Variants in DLC1 observed in about 807,000 individuals in gnomAD.
DLC1 encodes the protein rho GTPase-activating protein 7.
DLC1 carries 54 observed loss-of-function variants against 140.3 expected under a neutral mutation model. The observed-to-expected ratio is 0.38, with a 90% CI of 0.31 to 0.48. The LOEUF is 0.48. DLC1 is among the 20% of genes least tolerant of loss of function. The pLI is 0.96. For missense variants in DLC1, 2,536 were observed against 1,907.0 expected (o/e 1.33, Z -6.14); for synonymous variants, 986 against 728.1 (o/e 1.35, Z -5.70).
intron 1 of DLC1, among the ~76,000 whole-genome samples, chr8:13,589,690 T>G (rs1027031967): frequency 1.0e-3 from 8 of 7,642 alleles, no homozygotes; most frequent in African/African-American, 1.5e-3. Flanking sequence ...GAATGCTCTG[T>G]TTTTTTTTTT....
At chr8:13,399,657 G>A (rs1384866580) in intron 3 of DLC1, among the ~76,000 whole-genome samples, 1 of 152,122 alleles carries the variant, frequency 6.6e-6, no homozygotes, top group African/African-American at 2.4e-5. Flanking sequence ...CGGATCCTGG[G>A]CTGTGTCAAT....
chr8:13,179,705 T>C (rs1381016454), intron 5 of DLC1, among the ~76,000 whole-genome samples: 1 of 151,782 alleles, frequency 6.6e-6, no homozygotes, highest in Non-Finnish European at 1.5e-5. Flanking sequence ...TGGGCCACAG[T>C]GCAAGACTCA....
chr8:13,546,118 A>T (rs2117343064), intron 1 of DLC1, among the ~76,000 whole-genome samples: 1 of 152,220 alleles, frequency 6.6e-6, no homozygotes, highest in East Asian at 1.9e-4. Flanking sequence ...AAATCTTGTA[A>T]GGGATATGCT....
At chr8:13,133,015 G>A (rs770703393) in intron 5 of DLC1, 1 of 1,603,342 alleles carries the variant, frequency 6.2e-7, no homozygotes, top group Non-Finnish European at 8.5e-7. Context: ...GCGCTGTGGG[G>A]AAGTCGAGGC....
intron 1 of DLC1, among the ~76,000 whole-genome samples, chr8:13,589,753 A>G (rs1407401578): frequency 6.6e-6 from 1 of 151,612 alleles, no homozygotes; most frequent in Non-Finnish European, 1.5e-5. Flanking sequence ...TCTTTTTTCC[A>G]ACAGAGATTG....
At chr8:13,300,101 C>CA (rs1172685825) in intron 5 of DLC1, among the ~76,000 whole-genome samples, 1 of 151,860 alleles carries the variant, frequency 6.6e-6, no homozygotes, top group Non-Finnish European at 1.5e-5. Context: ...ACAACGCAGC[C>CA]AAAAAAAGGA....
intron 3 of DLC1, among the ~76,000 whole-genome samples, chr8:13,401,002 A>T (rs1380505301): frequency 1.3e-5 from 2 of 152,178 alleles, no homozygotes. Context: ...AGTTAATCTC[A>T]TCTAAATTGT....
chr8:13,246,884 G>A (rs181894899), intron 5 of DLC1, among the ~76,000 whole-genome samples: 188 of 152,208 alleles, frequency 1.2e-3, no homozygotes, highest in African/African-American at 4.3e-3. Context: ...CCATCATTTA[G>A]ATCATAAATA....
intron 2 of DLC1, among the ~76,000 whole-genome samples, chr8:13,415,670 A>AT (rs959450719): frequency 5.9e-5 from 9 of 152,146 alleles, no homozygotes; most frequent in Non-Finnish European, 1.2e-4. Context: ...AAGTGCTGGG[A>AT]TTACAGGCAT....
intron 5 of DLC1, among the ~76,000 whole-genome samples, chr8:13,234,026 G>C (rs1386617025): frequency 6.6e-6 from 1 of 152,116 alleles, no homozygotes; most frequent in Non-Finnish European, 1.5e-5. Context: ...TTTGAAAACA[G>C]AGTATGCACA....
chr8:13,551,651 T>C (rs1051509690), intron 1 of DLC1, among the ~76,000 whole-genome samples: 3 of 151,950 alleles, frequency 2.0e-5, no homozygotes, highest in Non-Finnish European at 4.4e-5. Flanking sequence ...TATGAAATGA[T>C]TGAAGGTGAG....
intron 4 of DLC1, among the ~76,000 whole-genome samples, chr8:13,366,999 C>T (rs1434714101): frequency 1.3e-5 from 2 of 152,162 alleles, no homozygotes; most frequent in African/African-American, 4.8e-5. Context: ...TACTCACTCT[C>T]CCAACCACGA....
chr8:13,375,905 T>C (rs1320974958), intron 4 of DLC1, among the ~76,000 whole-genome samples: 3 of 152,160 alleles, frequency 2.0e-5, no homozygotes, highest in African/African-American at 7.2e-5. Flanking sequence ...TATCTCTCTA[T>C]ATAGTCAACA....
At chr8:13,493,026 A>G (rs1185295457) in intron 2 of DLC1, among the ~76,000 whole-genome samples, 1 of 152,198 alleles carries the variant, frequency 6.6e-6, no homozygotes, top group Non-Finnish European at 1.5e-5. Flanking sequence ...TTGGATAAGA[A>G]CTGTCACAGG....
At chr8:13,308,249 C>T (rs754063529) in intron 4 of DLC1, among the ~76,000 whole-genome samples, 3 of 152,192 alleles carry the variant, frequency 2.0e-5, no homozygotes, top group Non-Finnish European at 2.9e-5. Context: ...ATGCCAATTA[C>T]GTTAGAATGT....
At chr8:13,362,144 G>A (rs1466761331) in intron 4 of DLC1, among the ~76,000 whole-genome samples, 1 of 152,208 alleles carries the variant, frequency 6.6e-6, no homozygotes, top group South Asian at 2.1e-4. Flanking sequence ...GCAGAGAGGA[G>A]TTGGCACATA....
Position 13,227,449 on chromosome 8 carries a change from G to T in DLC1, c.1348+77820C>A, listed in dbSNP as rs183475266. Among the ~76,000 whole-genome samples the T allele has an allele frequency of 5.4e-3, 817 of 152,278 alleles. 11 individuals are homozygous for T. Among genetic ancestry groups the T allele is most frequent in the African/African-American group, 0.019 (787 of 41,552 alleles). On this transcript the variant is annotated intron_variant, in intron 5 of 17. Coordinates refer to ENST00000276297, the MANE Select transcript of DLC1 (RefSeq NM_182643.3). ...GATGGTGAAGTATGGGCTGAAAGAG[G>T]TTTGTGATTTGCCTAATACCACACA...
intron 5 of DLC1, among the ~76,000 whole-genome samples, chr8:13,207,088 A>G (rs114592514): frequency 0.013 from 1,991 of 152,282 alleles, 55 homozygotes; most frequent in African/African-American, 0.045. Context: ...ATATTGTTAT[A>G]TGAATTTATT....
chr8:13,163,654 C>G (rs1452789156), intron 5 of DLC1, among the ~76,000 whole-genome samples: 2 of 152,022 alleles, frequency 1.3e-5, no homozygotes, highest in South Asian at 4.2e-4. Context: ...GCTTAAAATA[C>G]TCAGGAGGCA....
Sources: allele counts gnomAD v4.1 joint callset (sites outside exome capture counted in the v4.1 genomes callset), GRCh38; gene constraint gnomAD v4.1.1; transcripts MANE v1.5; gene names NCBI Gene and HGNC (gene_info 2026-07-23, HGNC 2026-07-21).